The following SLC44A5 variants were observed in gnomAD, a reference collection of about 807,000 sequenced individuals.
The protein encoded by SLC44A5 is choline transporter-like protein 5.
Under a neutral mutation model 101.8 loss-of-function variants are expected in SLC44A5, and 57 were observed. That is an observed-to-expected ratio of 0.56 (90% CI 0.45 to 0.70). The LOEUF (loss-of-function observed/expected upper bound fraction) is 0.70, where lower values mean the gene tolerates loss of function less well. SLC44A5 is among the 30% of genes least tolerant of loss of function. The probability of loss-of-function intolerance (pLI) is 0.00; values close to 1 mark genes in which losing one functional copy is unlikely to be tolerated. For synonymous variants in SLC44A5, 281 were observed against 290.9 expected (o/e 0.97, Z 0.35); for missense variants, 737 against 853.1 (o/e 0.86, Z 1.70).
At chr1:75,627,079 C>T in the SLC44A5 span, among the ~76,000 whole-genome samples, 24 of 152,142 alleles carry the variant, frequency 1.6e-4, no homozygotes, top group Non-Finnish European at 2.6e-4. Flanking sequence ...AAGTCCTAGT[C>T]ATCCCTTGAG....
intron 4 of SLC44A5, among the ~76,000 whole-genome samples, chr1:75,303,064 A>G (rs1408028465): frequency 1.3e-5 from 2 of 152,212 alleles, no homozygotes; most frequent in Non-Finnish European, 2.9e-5. Flanking sequence ...GAACAACTGT[A>G]TTCATAATGA....
intron 1 of SLC44A5, among the ~76,000 whole-genome samples, chr1:75,578,967 T>C (rs1303697669): frequency 6.6e-6 from 1 of 152,172 alleles, no homozygotes; most frequent in African/African-American, 2.4e-5. Flanking sequence ...AATATTAGCA[T>C]ACATAATCTA....
chr1:75,404,856 T>A lies in SLC44A5; in HGVS notation c.14-8235A>T, dbSNP rs1322714704. ...AATTCACACATAACAATATTAACCTTCAATGTAAATGAGTTAAATGCCCCA... is the reference window on the plus strand; with the variant it reads ...AATTCACACATAACAATATTAACCTACAATGTAAATGAGTTAAATGCCCCA... On this transcript the variant is annotated intron_variant, in intron 2 of 23. Coordinates refer to ENST00000370859, the MANE Select transcript of SLC44A5 (RefSeq NM_001130058.2). Among the ~76,000 whole-genome samples the A allele has an allele frequency of 3.9e-5, 6 of 152,162 alleles. No individual in the cohort carries two copies. In the East Asian group the frequency reaches 7.7e-4, roughly 20 times the overall value.
intron 3 of SLC44A5, among the ~76,000 whole-genome samples, chr1:75,342,437 T>G (rs1657954966): frequency 6.6e-6 from 1 of 152,184 alleles, no homozygotes. Flanking sequence ...TTATTATTAT[T>G]CTATTTTACA....
chr1:75,427,265 T>C (rs1177063768), intron 2 of SLC44A5, among the ~76,000 whole-genome samples: 2 of 152,234 alleles, frequency 1.3e-5, no homozygotes, highest in African/African-American at 4.8e-5. Context: ...CATTAATTTT[T>C]GGGCAAATAT....
intron 2 of SLC44A5, among the ~76,000 whole-genome samples, chr1:75,427,906 T>A (rs988207846): frequency 2.0e-5 from 3 of 152,224 alleles, no homozygotes; most frequent in African/African-American, 7.2e-5. Context: ...TCTTTCCCTA[T>A]AGCACATGGT....
chr1:75,332,834 T>A (rs894444591), intron 4 of SLC44A5, among the ~76,000 whole-genome samples: 3 of 152,348 alleles, frequency 2.0e-5, no homozygotes, highest in Non-Finnish European at 2.9e-5. Context: ...TAATGCACTA[T>A]GTGGACACAC....
chr1:75,371,133 T>A (rs1660194410), intron 3 of SLC44A5, among the ~76,000 whole-genome samples: 1 of 152,178 alleles, frequency 6.6e-6, no homozygotes, highest in African/African-American at 2.4e-5. Flanking sequence ...CATCTCTCCA[T>A]CTCTTTACGT....
chr1:75,339,003 A>G (rs1410736672), intron 4 of SLC44A5, among the ~76,000 whole-genome samples: 1 of 152,234 alleles, frequency 6.6e-6, no homozygotes, highest in African/African-American at 2.4e-5. Flanking sequence ...TAAGAGGACT[A>G]TGAATTACTG....
At chr1:75,372,907 TAGAATAAAAA>T (rs1463555861) in intron 3 of SLC44A5, among the ~76,000 whole-genome samples, 5 of 152,078 alleles carry the variant, frequency 3.3e-5, no homozygotes, top group Non-Finnish European at 7.4e-5. Context: ...TGAAGTTTAG[TAGAATAAAAA>T]AGAATAAAAC....
At chr1:75,252,133 C>G (rs1243408197) in intron 6 of SLC44A5, among the ~76,000 whole-genome samples, 1 of 152,160 alleles carries the variant, frequency 6.6e-6, no homozygotes, top group African/African-American at 2.4e-5. Context: ...GTCCAAATGT[C>G]TAGATATTGG....
At chr1:75,498,402 A>T (rs909489340) in intron 2 of SLC44A5, among the ~76,000 whole-genome samples, 2 of 152,184 alleles carry the variant, frequency 1.3e-5, no homozygotes, top group African/African-American at 2.4e-5. Flanking sequence ...CTAAAATTTG[A>T]TATTACTTCA....
the SLC44A5 span, among the ~76,000 whole-genome samples, chr1:75,631,607 C>A: frequency 1.5e-5 from 2 of 132,176 alleles, no homozygotes; most frequent in African/African-American, 5.8e-5. Context: ...AGTGCAATGT[C>A]GCAATCTCAG....
chr1:75,395,097 C>G (rs1377690122), intron 3 of SLC44A5, among the ~76,000 whole-genome samples: 1 of 152,024 alleles, frequency 6.6e-6, no homozygotes, highest in Non-Finnish European at 1.5e-5. Flanking sequence ...CCTTGGGCTA[C>G]TTTATATCAG....
chr1:75,626,166 G>A, the SLC44A5 span, among the ~76,000 whole-genome samples: 1 of 152,100 alleles, frequency 6.6e-6, no homozygotes, highest in African/African-American at 2.4e-5. Flanking sequence ...GCAGAATCAA[G>A]CCTGAAATCA....
Position 75,558,641 on chromosome 1 carries a change from G to A in SLC44A5, c.-69-17125C>T, listed in dbSNP as rs572497101. On this transcript the variant is annotated intron_variant, in intron 1 of 23. Coordinates refer to ENST00000370859, the MANE Select transcript of SLC44A5 (RefSeq NM_001130058.2). ...CCCAAACTTTTATACAGAACTACAG[G>A]AAATGAACGATGCATCATTTTCTTT... Among the ~76,000 whole-genome samples the A allele has an allele frequency of 3.9e-5, 6 of 152,124 alleles. No homozygotes were observed. The East Asian group carries it at 9.7e-4, about 24-fold the overall frequency.
intron 3 of SLC44A5, among the ~76,000 whole-genome samples, chr1:75,351,981 C>T (rs1658710658): frequency 1.3e-5 from 2 of 151,612 alleles, no homozygotes; most frequent in South Asian, 4.2e-4. Flanking sequence ...TAAAAAATCC[C>T]CCTTTTTTAA....
At chr1:75,654,536 A>G in the SLC44A5 span, among the ~76,000 whole-genome samples, 2 of 152,192 alleles carry the variant, frequency 1.3e-5, no homozygotes, top group Non-Finnish European at 2.9e-5. Flanking sequence ...ACATGATAAA[A>G]GGGTCATTAA....
chr1:75,582,087 A>G (rs1021478482), intron 1 of SLC44A5: 4 of 717,860 alleles, frequency 5.6e-6, no homozygotes, highest in African/African-American at 1.7e-5. Flanking sequence ...CACGGGTTAC[A>G]GTGCAGACAT....
Sources: gnomAD v4.1 joint callset for allele counts (sites outside exome capture counted in the v4.1 genomes callset) on GRCh38, gnomAD v4.1.1 for gene constraint, MANE v1.5 for transcripts, NCBI Gene and HGNC (gene_info 2026-07-23, HGNC 2026-07-21) for gene names.